SCFD2: variants seen among roughly 807,000 people sequenced by gnomAD.
SCFD2 encodes sec1 family domain-containing protein 2.
In SCFD2, 54 loss-of-function variants were observed where a neutral mutation model predicts 58.9. That is an observed-to-expected ratio of 0.92 (90% CI 0.74 to 1.15). The LOEUF is 1.15. SCFD2 is among the 50% of genes most tolerant of loss of function. The pLI, the probability that SCFD2 is intolerant of heterozygous loss-of-function variation, is 0.00. For synonymous variants in SCFD2, 321 were observed against 335.9 expected (o/e 0.96, Z 0.49); for missense variants, 805 against 836.6 (o/e 0.96, Z 0.47).
intron 5 of SCFD2, among the ~76,000 whole-genome samples, chr4:53,106,046 G>A (rs1252120221): frequency 2.0e-5 from 3 of 152,192 alleles, no homozygotes; most frequent in Non-Finnish European, 1.5e-5. Flanking sequence ...GTGATACCCA[G>A]TCAAACAGGG....
At chr4:53,216,600 C>G (rs1016321866) in intron 4 of SCFD2, among the ~76,000 whole-genome samples, 1 of 149,324 alleles carries the variant, frequency 6.7e-6, no homozygotes, top group African/African-American at 2.5e-5. Flanking sequence ...AAAACCAGCT[C>G]CTGGATTCAT....
chr4:53,228,365 C>T (rs1729298415), intron 4 of SCFD2, among the ~76,000 whole-genome samples: 1 of 152,138 alleles, frequency 6.6e-6, no homozygotes, highest in Non-Finnish European at 1.5e-5. Context: ...AAGTTAGAGA[C>T]ATGAGCAGCT....
intron 2 of SCFD2, among the ~76,000 whole-genome samples, chr4:53,318,775 G>A (rs1285854153): frequency 2.0e-5 from 3 of 151,898 alleles, no homozygotes; most frequent in Non-Finnish European, 2.9e-5. Context: ...TTTTTGAAAG[G>A]TGAATAAAAT....
At chr4:53,171,644 G>T (rs1727180503) in intron 4 of SCFD2, among the ~76,000 whole-genome samples, 1 of 152,112 alleles carries the variant, frequency 6.6e-6, no homozygotes. Context: ...GCTTTTCTTT[G>T]ATGGGAGAGA....
At chr4:53,209,410 C>G (rs754272725) in intron 4 of SCFD2, among the ~76,000 whole-genome samples, 9 of 152,106 alleles carry the variant, frequency 5.9e-5, no homozygotes, top group African/African-American at 9.7e-5. Context: ...TGTGATGACT[C>G]TCTTCAAAGA....
At position 53,248,731 on chromosome 4, in the gene SCFD2, T is replaced by A. The variant is rs529229713; in HGVS notation, c.1311+25095A>T. 2.7e-3 allele frequency among the ~76,000 whole-genome samples: 412 copies of A among 152,248 alleles called. 1 individual carries two copies. The highest frequency in any genetic ancestry group is 9.5e-3 in the African/African-American group (394 of 41,552). On this transcript the variant is annotated intron_variant, in intron 4 of 8. Coordinates refer to ENST00000401642, the MANE Select transcript of SCFD2 (RefSeq NM_152540.4). ...GACCTCTAGCAAACTCCAACAGACCTGCAGCTGAGGGTCCTGTCTGTTAGA... is the reference window on the plus strand; with the variant it reads ...GACCTCTAGCAAACTCCAACAGACCAGCAGCTGAGGGTCCTGTCTGTTAGA...
chr4:53,214,439 C>G (rs1728739319), intron 4 of SCFD2, among the ~76,000 whole-genome samples: 1 of 152,020 alleles, frequency 6.6e-6, no homozygotes, highest in African/African-American at 2.4e-5. Flanking sequence ...TGTTTTTTGT[C>G]TGCATAAATG....
intron 2 of SCFD2, among the ~76,000 whole-genome samples, chr4:53,315,049 A>T (rs1363664056): frequency 6.6e-6 from 1 of 152,182 alleles, no homozygotes; most frequent in Non-Finnish European, 1.5e-5. Flanking sequence ...ATACAAAAGC[A>T]AATAAATTAC....
At chr4:53,273,741 TA>T in intron 4 of SCFD2, 84 bp downstream of exon 4, 1 of 1,144,652 alleles carries the variant, frequency 8.7e-7, no homozygotes, top group Non-Finnish European at 1.2e-6. Context: ...GATTTATTAC[TA>T]AGGCTATAAT....
chr4:53,351,331 C>T (rs1320688334), intron 2 of SCFD2, among the ~76,000 whole-genome samples: 4 of 152,156 alleles, frequency 2.6e-5, no homozygotes, highest in South Asian at 2.1e-4. Flanking sequence ...TCATTCAAGA[C>T]ATAATTAAAG....
chr4:53,084,610 T>C (rs1724249477), intron 5 of SCFD2, among the ~76,000 whole-genome samples: 1 of 152,206 alleles, frequency 6.6e-6, no homozygotes. Flanking sequence ...TCCATATTAA[T>C]ATGAAATCTT....
intron 4 of SCFD2, among the ~76,000 whole-genome samples, chr4:53,169,783 A>G (rs2148935375): frequency 6.6e-6 from 1 of 152,256 alleles, no homozygotes; most frequent in African/African-American, 2.4e-5. Context: ...CCTAATGATT[A>G]GTGATTTGGG....
intron 5 of SCFD2, among the ~76,000 whole-genome samples, chr4:52,924,592 T>C (rs1181388072): frequency 6.6e-6 from 1 of 152,224 alleles, no homozygotes; most frequent in African/African-American, 2.4e-5. Context: ...AGTTCTATGA[T>C]ATATACGTTT....
intron 5 of SCFD2, among the ~76,000 whole-genome samples, chr4:53,031,399 C>G (rs1428739382): frequency 6.6e-6 from 1 of 152,176 alleles, no homozygotes; most frequent in Non-Finnish European, 1.5e-5. Flanking sequence ...TCCTTGCCAG[C>G]AAGGGAACAA....
intron 8 of SCFD2, among the ~76,000 whole-genome samples, chr4:52,874,776 G>C (rs993551783): frequency 6.6e-6 from 1 of 152,150 alleles, no homozygotes; most frequent in Non-Finnish European, 1.5e-5. Flanking sequence ...CACTGGATTA[G>C]AGCCCACACT....
chr4:53,205,164 G>A (rs1317538991), intron 4 of SCFD2, among the ~76,000 whole-genome samples: 2 of 152,090 alleles, frequency 1.3e-5, no homozygotes, highest in East Asian at 3.9e-4. Flanking sequence ...CAGAATGACA[G>A]TGAAAAGAAC....
At chr4:53,060,012 T>A (rs902870317) in intron 5 of SCFD2, among the ~76,000 whole-genome samples, 3 of 152,114 alleles carry the variant, frequency 2.0e-5, no homozygotes, top group African/African-American at 7.2e-5. Flanking sequence ...AAAAGATTCT[T>A]GGGCTCATTG....
intron 7 of SCFD2, among the ~76,000 whole-genome samples, chr4:52,900,200 C>G (rs574882697): frequency 2.0e-5 from 3 of 152,186 alleles, no homozygotes; most frequent in Non-Finnish European, 2.9e-5. Context: ...TGAGGAGCTG[C>G]GTTCCTTTGG....
intron 3 of SCFD2, among the ~76,000 whole-genome samples, chr4:53,280,540 A>G (rs1161235066): frequency 6.6e-6 from 1 of 152,074 alleles, no homozygotes. Flanking sequence ...AAAGAAAGCA[A>G]TTTTGTCTAG....
Sources: gnomAD v4.1 joint callset for allele counts (sites outside exome capture counted in the v4.1 genomes callset) on GRCh38, gnomAD v4.1.1 for gene constraint, MANE v1.5 for transcripts, NCBI Gene and HGNC (gene_info 2026-07-23, HGNC 2026-07-21) for gene names.